Variants in LIN52 observed in about 807,000 individuals in gnomAD.
LIN52 encodes protein lin-52 homolog.
In LIN52, 4 loss-of-function variants were observed where a neutral mutation model predicts 18.5. The ratio of observed to expected loss-of-function variants is 0.22; its 90% confidence interval spans 0.11 to 0.49. The LOEUF (loss-of-function observed/expected upper bound fraction) is 0.49, where lower values mean the gene tolerates loss of function less well. LIN52 is among the 20% of genes least tolerant of loss of function. The pLI is 0.97. For missense variants in LIN52, 102 were observed against 139.5 expected, an observed-to-expected ratio of 0.73 and a Z score of 1.35; for synonymous variants, 34 against 45.5, an observed-to-expected ratio of 0.75 and a Z score of 1.02.
chr14:74,094,261 T>G (rs1488461275), intron 2 of LIN52, among the ~76,000 whole-genome samples: 1 of 151,678 alleles, frequency 6.6e-6, no homozygotes, highest in Non-Finnish European at 1.5e-5. Context: ...CTTTGTAGTT[T>G]TTTTTTTTTT....
intron 5 of LIN52, among the ~76,000 whole-genome samples, chr14:74,132,065 A>G (rs573960731): frequency 6.6e-6 from 1 of 152,326 alleles, no homozygotes; most frequent in Admixed American, 6.5e-5. Flanking sequence ...GTTAACATTT[A>G]TGAGCCTGTT....
chr14:74,164,702 A>G (rs549127837), intron 5 of LIN52, among the ~76,000 whole-genome samples: 1 of 152,274 alleles, frequency 6.6e-6, no homozygotes, highest in Middle Eastern at 3.4e-3. Flanking sequence ...GGGGAATCTG[A>G]TCAGCCCAAG....
chr14:74,200,025 A>G lies in LIN52; in HGVS notation c.*1048A>G, dbSNP rs2139602749. On this transcript the variant is annotated 3_prime_UTR_variant, in exon 6 of 6. Coordinates refer to ENST00000555028, the MANE Select transcript of LIN52 (RefSeq NM_001024674.3). ...AAATCTGAAAATCTAGCCCATGGCT[A>G]AAATCTATTATATGTGTTCTCCATA... is the stretch of plus-strand genomic sequence containing the variant. The G allele has an allele frequency of 6.6e-6, 1 of 152,246 alleles. No individual in the cohort carries two copies. The highest frequency in any genetic ancestry group is 1.9e-4 in the East Asian group (1 of 5,186). 9.4% of individuals were successfully genotyped at this position (152,246 alleles called of 1,614,324 possible).
intron 1 of LIN52, among the ~76,000 whole-genome samples, chr14:74,087,151 C>G (rs2060738563): frequency 1.3e-5 from 2 of 151,974 alleles, no homozygotes; most frequent in Admixed American, 1.3e-4. Context: ...CGTGGTGGCT[C>G]ACGCCTGTAA....
At chr14:74,176,224 G>A (rs146383678) in intron 5 of LIN52, among the ~76,000 whole-genome samples, 16 of 151,996 alleles carry the variant, frequency 1.1e-4, no homozygotes, top group South Asian at 2.1e-4. Context: ...GTGCAGTGGC[G>A]CAATCTCGGC....
chr14:74,157,737 A>G (rs1055852132), intron 5 of LIN52, among the ~76,000 whole-genome samples: 15 of 151,962 alleles, frequency 9.9e-5, no homozygotes, highest in African/African-American at 2.7e-4. Flanking sequence ...TCAAAGTTCT[A>G]TGTCTCCTTG....
chr14:74,155,007 A>C (rs2061193553), intron 5 of LIN52, among the ~76,000 whole-genome samples: 1 of 152,166 alleles, frequency 6.6e-6, no homozygotes, highest in African/African-American at 2.4e-5. Context: ...CAACATTTCA[A>C]ACTCTTTTAT....
intron 5 of LIN52, among the ~76,000 whole-genome samples, chr14:74,126,781 G>T (rs1056168374): frequency 1.3e-5 from 2 of 152,176 alleles, no homozygotes; most frequent in African/African-American, 4.8e-5. Flanking sequence ...ATTTTTGTGG[G>T]GAAGGTGAAA....
chr14:74,183,191 G>A (rs549872814), intron 5 of LIN52, among the ~76,000 whole-genome samples: 1 of 151,534 alleles, frequency 6.6e-6, no homozygotes, highest in African/African-American at 2.4e-5. Context: ...TTCATCTCCC[G>A]GGTTCACGCT....
At chr14:74,124,810 C>CAAAAAAAAAAAAAAAAAAAAAA (rs5809648) in intron 5 of LIN52, among the ~76,000 whole-genome samples, 1 of 59,442 alleles carries the variant, frequency 1.7e-5, no homozygotes, top group Admixed American at 2.0e-4. Flanking sequence ...GACCCTGTCT[C>CAAAAAAAAAAAAAAAAAAAAAA]AAAAAAAAAA....
At chr14:74,085,893 A>G (rs544955945) in intron 1 of LIN52, among the ~76,000 whole-genome samples, 1 of 152,324 alleles carries the variant, frequency 6.6e-6, no homozygotes, top group Non-Finnish European at 1.5e-5. Flanking sequence ...GGAATCTTGG[A>G]AGTTCATTGC....
intron 5 of LIN52, among the ~76,000 whole-genome samples, chr14:74,129,667 A>G (rs1231011663): frequency 6.6e-6 from 1 of 152,180 alleles, no homozygotes; most frequent in Non-Finnish European, 1.5e-5. Context: ...AACCCAAACA[A>G]CATAGTGAGA....
chr14:74,118,190 G>A (rs949467009), intron 5 of LIN52, among the ~76,000 whole-genome samples: 4 of 151,230 alleles, frequency 2.6e-5, no homozygotes, highest in African/African-American at 9.7e-5. Context: ...GAGCCCAGGA[G>A]TTTGAGACTG....
At chr14:74,172,554 T>A (rs1053575555) in intron 5 of LIN52, among the ~76,000 whole-genome samples, 1 of 152,202 alleles carries the variant, frequency 6.6e-6, no homozygotes, top group Non-Finnish European at 1.5e-5. Context: ...GTTTGATCAA[T>A]GTGTAATAAA....
In LIN52 at chr14:74,111,455, A is replaced by AT. The variant is rs5809646; in HGVS notation, c.283+10232dup. ...AGGACAGTGCCACCATGCCTGACTG[A>AT]TTTTTTTTTTTTTTTAATTTTTATT... On this transcript the variant is annotated intron_variant, in intron 5 of 5. Transcript: ENST00000555028. Among the ~76,000 whole-genome samples the AT allele has an allele frequency of 9.1e-4, 130 of 142,202 alleles. 1 individual carries two copies. The highest frequency in any genetic ancestry group is 4.1e-3 in the Admixed American group (59 of 14,334). 93.3% of individuals were successfully genotyped at this position (142,202 alleles called of 152,430 possible). A position where few individuals can be genotyped will look rare whatever the true frequency, so the allele number is the denominator to read the frequency against.
chr14:74,191,691 T>C (rs1284447126), intron 5 of LIN52, among the ~76,000 whole-genome samples: 10 of 151,390 alleles, frequency 6.6e-5, no homozygotes, highest in Non-Finnish European at 1.3e-4. Context: ...CGGAGTGCAG[T>C]GGTGCAATCT....
At chr14:74,114,645 T>G (rs1442523702) in intron 5 of LIN52, among the ~76,000 whole-genome samples, 3 of 152,204 alleles carry the variant, frequency 2.0e-5, no homozygotes, top group African/African-American at 7.2e-5. Context: ...TGCTCCTTTG[T>G]AGGCAGGCAT....
intron 5 of LIN52, among the ~76,000 whole-genome samples, chr14:74,159,340 C>G (rs1566863411): frequency 6.6e-6 from 1 of 152,128 alleles, no homozygotes; most frequent in Non-Finnish European, 1.5e-5. Context: ...TTTCCTAAAG[C>G]TTTCTGGTGA....
rs1410036661 is a variant in LIN52 at position 74,095,154 on chromosome 14, T to G, written c.95-794T>G. Among the ~76,000 whole-genome samples, 5 of 147,664 alleles carry G rather than the reference T, an allele frequency of 3.4e-5. No homozygotes were observed. In the East Asian group the frequency reaches 7.9e-4, roughly 23 times the overall value. On this transcript the variant is annotated intron_variant, in intron 2 of 5. Coordinates refer to ENST00000555028, the MANE Select transcript of LIN52 (RefSeq NM_001024674.3). ...ATTACCATGCCCAACTAACTGTTTT[T>G]TTTTTTTTTTTTTTTGAGACAGGGT...
Sources: gnomAD v4.1 joint callset for allele counts (sites outside exome capture counted in the v4.1 genomes callset) on GRCh38, gnomAD v4.1.1 for gene constraint, MANE v1.5 for transcripts, NCBI Gene and HGNC (gene_info 2026-07-23, HGNC 2026-07-21) for gene names.